The following SEPTIN11 variants were observed in gnomAD, a reference collection of about 807,000 sequenced individuals.
SEPTIN11 encodes septin 11, also known as septin-11.
In SEPTIN11, 25 loss-of-function variants were observed where a neutral mutation model predicts 51.4. The ratio of observed to expected loss-of-function variants is 0.49; its 90% confidence interval spans 0.35 to 0.68. SEPTIN11 has a LOEUF of 0.68. Ranked by LOEUF, SEPTIN11 falls within the 30% of genes least tolerant of loss-of-function variation. SEPTIN11 has a pLI of 0.00. For missense variants in SEPTIN11, 381 were observed against 520.8 expected, an observed-to-expected ratio of 0.73 and a Z score of 2.61; for synonymous variants, 174 against 184.1, an observed-to-expected ratio of 0.95 and a Z score of 0.44.
chr4:77,007,634 A>T (rs1724581037), intron 3 of SEPTIN11, among the ~76,000 whole-genome samples: 1 of 152,254 alleles, frequency 6.6e-6, no homozygotes, highest in Admixed American at 6.5e-5. Flanking sequence ...CATTTGGGTC[A>T]AATAATAGTT....
rs1578172768 is a variant in SEPTIN11, at chr4:77,005,668, A to C, written c.210A>C (p.Pro70=). The C allele has an allele frequency of 6.2e-7, 1 of 1,614,134 alleles. No individual in the cohort carries two copies. Among genetic ancestry groups the C allele is most frequent in the Non-Finnish European group, 8.5e-7 (1 of 1,179,970 alleles). The change falls in exon 3 of 10, where the codon CCA becomes CCC. Residue 70 remains proline (P), a synonymous_variant. Transcript: ENST00000264893. ...TLFNTKFESD[P]ATHNEPGVRL... ...TCAACACCAAATTTGAAAGTGACCC[A>C]GCTACTCACAATGAACCAGGTGTTC...
Position 77,036,313 on chromosome 4 carries a change from TG to T in SEPTIN11, c.*1803del. The T allele has an allele frequency of 9.7e-7, 1 of 1,029,808 alleles. No individual in the cohort carries two copies. Among genetic ancestry groups the T allele is most frequent in the East Asian group, 1.0e-4 (1 of 9,618 alleles). The allele number at this position is 1,029,808 out of a possible 1,614,324, so 63.8% of individuals were successfully genotyped here. On this transcript the variant is annotated 3_prime_UTR_variant, in exon 10 of 10. Coordinates refer to ENST00000264893, the MANE Select transcript of SEPTIN11 (RefSeq NM_018243.4). ...AATAATTCTAGTCTGGAGCTAACTG[TG>T]GAGCAGCCAAATAGTAGCTGGCATG...
chr4:77,034,473 TTTG>T (rs1293621845), intron 9 of SEPTIN11, 21 bp from the exon 10 acceptor site: 3 of 1,517,626 alleles, frequency 2.0e-6, no homozygotes, highest in Non-Finnish European at 2.6e-6. Context: ...TTCTAACTTT[TTTG>T]TTTTGTTTTT....
At chr4:77,016,638 A>ATATATATATATG (rs1725305477) in intron 5 of SEPTIN11, among the ~76,000 whole-genome samples, 1 of 97,846 alleles carries the variant, frequency 1.0e-5, no homozygotes, top group Admixed American at 1.1e-4. Context: ...ATACACATAT[A>ATATATATATATG]TATATATATA....
chr4:76,990,476 G>C (rs1225975555), intron 1 of SEPTIN11, among the ~76,000 whole-genome samples: 1 of 152,146 alleles, frequency 6.6e-6, no homozygotes, highest in South Asian at 2.1e-4. Flanking sequence ...CCGGAACTGG[G>C]CTGGCCAGCA....
At chr4:76,954,573 A>G (rs1721478830) in intron 1 of SEPTIN11, among the ~76,000 whole-genome samples, 1 of 152,226 alleles carries the variant, frequency 6.6e-6, no homozygotes, top group Non-Finnish European at 1.5e-5. Context: ...GCTGTTGAAC[A>G]TAAAAACAAT....
chr4:77,007,762 ACT>A (rs1560728051), intron 3 of SEPTIN11, among the ~76,000 whole-genome samples: 1 of 152,034 alleles, frequency 6.6e-6, no homozygotes. Flanking sequence ...GGCACTTAAA[ACT>A]CTCTGTTACC....
At chr4:77,011,438 A>G (rs1013582276) in intron 3 of SEPTIN11, among the ~76,000 whole-genome samples, 1 of 151,090 alleles carries the variant, frequency 6.6e-6, no homozygotes, top group Non-Finnish European at 1.5e-5. Context: ...AATGTTAGCC[A>G]GGAGAAGAGT....
intron 1 of SEPTIN11, among the ~76,000 whole-genome samples, chr4:76,989,826 A>G (rs1424505594): frequency 1.3e-5 from 2 of 152,246 alleles, no homozygotes; most frequent in Non-Finnish European, 2.9e-5. Context: ...AGGCTATCCC[A>G]TATATCCTAA....
chr4:77,038,420 ATTTGTCTT>A lies in SEPTIN11; in HGVS notation c.*3912_*3919del. ...CATATATGTAAGCTGCATGTTAGAC[ATTTGTCTT>A]TTTTAAACTAAAGTAATTGTATTGA... On this transcript the variant is annotated 3_prime_UTR_variant, in exon 10 of 10. Coordinates refer to ENST00000264893, the MANE Select transcript of SEPTIN11 (RefSeq NM_018243.4). 1.0e-6 allele frequency: 1 copy of A among 985,726 alleles called. No individual in the cohort carries two copies. The highest frequency in any genetic ancestry group is 1.2e-6 in the Non-Finnish European group (1 of 829,838). 61.1% of individuals were successfully genotyped at this position (985,726 alleles called of 1,614,324 possible).
At chr4:76,983,025 G>T (rs1482603058) in intron 1 of SEPTIN11, among the ~76,000 whole-genome samples, 1 of 151,970 alleles carries the variant, frequency 6.6e-6, no homozygotes, top group Non-Finnish European at 1.5e-5. Flanking sequence ...GGAGAAATAG[G>T]GATGTTGAAA....
intron 5 of SEPTIN11, among the ~76,000 whole-genome samples, chr4:77,015,665 T>C (rs1291535535): frequency 2.0e-5 from 3 of 152,204 alleles, no homozygotes; most frequent in African/African-American, 7.2e-5. Context: ...CATCTTTTTT[T>C]CCCTTTGGGA....
chr4:77,035,486 C>T lies in SEPTIN11; in HGVS notation c.*974C>T. On this transcript the variant is annotated 3_prime_UTR_variant, in exon 10 of 10. Transcript: ENST00000264893. The stretch of plus-strand genomic sequence containing the variant: ...ACAGATACTTCCCTTAGAAAATTTG[C>T]TATAAACTCTGTATCATTGGTAGCA... 25 of 985,318 alleles carry T rather than the reference C, an allele frequency of 2.5e-5. No individual in the cohort carries two copies. Among genetic ancestry groups the T allele is most frequent in the Non-Finnish European group, 3.0e-5 (25 of 829,902 alleles). 61.0% of individuals were successfully genotyped at this position (985,318 alleles called of 1,614,324 possible).
chr4:76,975,770 C>A (rs1176903184), intron 1 of SEPTIN11, among the ~76,000 whole-genome samples: 1 of 152,200 alleles, frequency 6.6e-6, no homozygotes. Flanking sequence ...TTTTGAGAAC[C>A]ACTTTCTTTA....
rs981150922 is a variant in SEPTIN11 at position 77,020,808 on chromosome 4, A to G, written c.953+138A>G. 117 of 745,502 alleles carry G rather than the reference A, an allele frequency of 1.6e-4. 1 individual carries two copies. The highest frequency in any genetic ancestry group is 2.3e-4 in the Non-Finnish European group (109 of 474,756). The allele number at this position is 745,502 out of a possible 1,614,324, so 46.2% of individuals were successfully genotyped here. ...GGTGAAGATTAATACATATGTTGTC[A>G]GGCATTGTGATAATTGCTTTATTTG... is the stretch of plus-strand genomic sequence containing the variant. On this transcript the variant is annotated intron_variant, in intron 7 of 9. Transcript: ENST00000264893.
At chr4:76,952,021 G>T (rs1263593290) in intron 1 of SEPTIN11, among the ~76,000 whole-genome samples, 4 of 152,154 alleles carry the variant, frequency 2.6e-5, no homozygotes, top group African/African-American at 9.7e-5. Flanking sequence ...CCTAATGTAC[G>T]AGTGATTAGG....
At chr4:77,013,422 T>G (rs1302628478) in intron 4 of SEPTIN11, among the ~76,000 whole-genome samples, 1 of 152,066 alleles carries the variant, frequency 6.6e-6, no homozygotes, top group African/African-American at 2.4e-5. Context: ...AAAGAGGTTT[T>G]AAAACTAAAT....
rs373460136 is a variant in SEPTIN11, at chr4:77,035,964, T to G, written c.*1452T>G. The G allele has an allele frequency of 1.8e-5, 18 of 985,894 alleles. No individual in the cohort carries two copies. The African/African-American group carries it at 3.0e-4, about 16-fold the overall frequency. 61.1% of individuals were successfully genotyped at this position (985,894 alleles called of 1,614,324 possible). ...AACCCACTGCCCCTCTGCATTTTCCTCACTGGTTAGAGATTAAGTAAATAG... is the reference window on the plus strand; with the variant it reads ...AACCCACTGCCCCTCTGCATTTTCCGCACTGGTTAGAGATTAAGTAAATAG... On this transcript the variant is annotated 3_prime_UTR_variant, in exon 10 of 10. Coordinates refer to ENST00000264893, the MANE Select transcript of SEPTIN11 (RefSeq NM_018243.4).
chr4:76,958,162 G>A (rs59044450), intron 1 of SEPTIN11, among the ~76,000 whole-genome samples: 2,987 of 152,304 alleles, frequency 0.02, 67 homozygotes, highest in South Asian at 0.068. Flanking sequence ...CCTGGCTGTT[G>A]CTGTGTCAAC....
Sources: allele counts gnomAD v4.1 joint callset (sites outside exome capture counted in the v4.1 genomes callset), GRCh38; gene constraint gnomAD v4.1.1; transcripts MANE v1.5; gene names NCBI Gene and HGNC (gene_info 2026-07-23, HGNC 2026-07-21).